The following CCSER1 variants were observed in gnomAD, a reference collection of about 807,000 sequenced individuals.
CCSER1 encodes coiled-coil serine rich protein 1, also known as serine-rich coiled-coil domain-containing protein 1.
In CCSER1, 41 loss-of-function variants were observed where a neutral mutation model predicts 82.0. That is an observed-to-expected ratio of 0.50 (90% CI 0.39 to 0.65). The LOEUF is 0.65. CCSER1 is among the 30% of genes least tolerant of loss of function. The pLI is 0.00. For synonymous variants in CCSER1, 414 were observed against 383.9 expected (o/e 1.08, Z -0.92); for missense variants, 1,119 against 1,064.2 (o/e 1.05, Z -0.72).
chr4:90,619,207 T>C (rs1049985897), intron 5 of CCSER1, among the ~76,000 whole-genome samples: 1 of 151,996 alleles, frequency 6.6e-6, no homozygotes, highest in African/African-American at 2.4e-5. Context: ...CGTGAAATAA[T>C]TATTCCTCAG....
At chr4:90,560,529 C>A (rs1366152409) in intron 5 of CCSER1, among the ~76,000 whole-genome samples, 1 of 152,046 alleles carries the variant, frequency 6.6e-6, no homozygotes, top group African/African-American at 2.4e-5. Flanking sequence ...AATTTTTATT[C>A]ATGTTTTACT....
intron 1 of CCSER1, among the ~76,000 whole-genome samples, chr4:90,305,856 T>C (rs561912794): frequency 3.9e-5 from 6 of 152,228 alleles, no homozygotes; most frequent in Non-Finnish European, 8.8e-5. Flanking sequence ...GAAATCAGTA[T>C]GTCAAAGAGA....
At chr4:91,410,373 C>T (rs1005448378) in intron 10 of CCSER1, among the ~76,000 whole-genome samples, 1 of 151,982 alleles carries the variant, frequency 6.6e-6, no homozygotes, top group Non-Finnish European at 1.5e-5. Flanking sequence ...GAAGGGAATA[C>T]AGAATGTAAT....
chr4:90,706,479 A>T, intron 6 of CCSER1, among the ~76,000 whole-genome samples: 1 of 152,196 alleles, frequency 6.6e-6, no homozygotes, highest in East Asian at 1.9e-4. Flanking sequence ...TTAAGATTAA[A>T]ACAAATAAAA....
intron 1 of CCSER1, among the ~76,000 whole-genome samples, chr4:90,155,163 T>C (rs1184030794): frequency 6.6e-6 from 1 of 152,252 alleles, no homozygotes. Flanking sequence ...TTTGGTTCTG[T>C]TTATACGCTG....
Position 90,429,822 on chromosome 4 carries a change from G to T in CCSER1, c.1603+29693G>T, listed in dbSNP as rs111389853. Reference sequence around the variant, plus strand: ...CCTTAGTCTGGTAAATGTATAATTTGAATGGTTTGTATATTCGTTTTCCAT... The same window carrying T: ...CCTTAGTCTGGTAAATGTATAATTTTAATGGTTTGTATATTCGTTTTCCAT... On this transcript the variant is annotated intron_variant, in intron 4 of 10. Transcript: ENST00000509176. Among the ~76,000 whole-genome samples, 1,332 of 151,884 alleles carry T rather than the reference G, an allele frequency of 8.8e-3. 9 individuals are homozygous for T. Among genetic ancestry groups the T allele is most frequent in the Non-Finnish European group, 0.014 (940 of 67,740 alleles).
At chr4:91,251,180 T>C (rs990115245) in intron 10 of CCSER1, among the ~76,000 whole-genome samples, 1 of 152,126 alleles carries the variant, frequency 6.6e-6, no homozygotes, top group Non-Finnish European at 1.5e-5. Context: ...ATTTATTTTG[T>C]ACAGTTTTGG....
intron 10 of CCSER1, among the ~76,000 whole-genome samples, chr4:91,528,387 G>A (rs1463889603): frequency 6.6e-6 from 1 of 152,074 alleles, no homozygotes; most frequent in Non-Finnish European, 1.5e-5. Context: ...ATAAACAAAT[G>A]TATTATCAAC....
chr4:90,418,950 A>G (rs1756236139), intron 4 of CCSER1, among the ~76,000 whole-genome samples: 1 of 151,988 alleles, frequency 6.6e-6, no homozygotes, highest in Non-Finnish European at 1.5e-5. Flanking sequence ...CAATTCTCAG[A>G]AAGTGTTATC....
At chr4:90,255,728 G>A (rs189773604) in intron 1 of CCSER1, among the ~76,000 whole-genome samples, 64 of 152,162 alleles carry the variant, frequency 4.2e-4, no homozygotes, top group African/African-American at 1.4e-3. Context: ...ATCCAAAGAG[G>A]TGTAAAAAAA....
At chr4:91,259,420 T>A (rs1740933184) in intron 10 of CCSER1, among the ~76,000 whole-genome samples, 1 of 152,122 alleles carries the variant, frequency 6.6e-6, no homozygotes, top group African/African-American at 2.4e-5. Context: ...TATCAACTCA[T>A]ACAAACATGA....
intron 9 of CCSER1, among the ~76,000 whole-genome samples, chr4:91,014,315 G>A (rs1263131513): frequency 1.5e-5 from 2 of 133,798 alleles, no homozygotes; most frequent in African/African-American, 5.0e-5. Flanking sequence ...AACTTATAAG[G>A]ACCAATTCTG....
At chr4:90,135,143 T>A (rs1018123902) in intron 1 of CCSER1, among the ~76,000 whole-genome samples, 1 of 152,182 alleles carries the variant, frequency 6.6e-6, no homozygotes, top group African/African-American at 2.4e-5. Flanking sequence ...TAATGAAAAA[T>A]TAACTGATTT....
chr4:91,578,951 T>TA (rs1404671314), intron 10 of CCSER1, among the ~76,000 whole-genome samples: 1 of 151,766 alleles, frequency 6.6e-6, no homozygotes, highest in East Asian at 1.9e-4. Context: ...ATTTGAATAA[T>TA]ACACATCAGA....
intron 4 of CCSER1, among the ~76,000 whole-genome samples, chr4:90,424,555 C>G (rs1757264704): frequency 6.6e-6 from 1 of 152,148 alleles, no homozygotes; most frequent in African/African-American, 2.4e-5. Flanking sequence ...CCAATCCCTA[C>G]TTACTATGAT....
At chr4:91,023,507 T>A (rs1486645334) in intron 9 of CCSER1, among the ~76,000 whole-genome samples, 1 of 152,078 alleles carries the variant, frequency 6.6e-6, no homozygotes, top group Non-Finnish European at 1.5e-5. Context: ...ATGCCACATA[T>A]CTACAACCAT....
At chr4:91,183,095 T>C (rs1401451793) in intron 10 of CCSER1, among the ~76,000 whole-genome samples, 5 of 152,246 alleles carry the variant, frequency 3.3e-5, no homozygotes, top group Non-Finnish European at 7.3e-5. Flanking sequence ...AGCCCTAATG[T>C]GAGTGATGTA....
chr4:90,410,682 T>G (rs1022679646), intron 4 of CCSER1, among the ~76,000 whole-genome samples: 5 of 151,634 alleles, frequency 3.3e-5, no homozygotes, highest in East Asian at 1.9e-4. Context: ...AAGCAGGAAA[T>G]ATCTAAAATT....
chr4:91,241,572 C>T (rs1271848960), intron 10 of CCSER1, among the ~76,000 whole-genome samples: 4 of 151,748 alleles, frequency 2.6e-5, no homozygotes, highest in South Asian at 4.2e-4. Context: ...TTGATCCACC[C>T]GCCTCAGCCT....
Sources: allele counts gnomAD v4.1 joint callset (sites outside exome capture counted in the v4.1 genomes callset), GRCh38; gene constraint gnomAD v4.1.1; transcripts MANE v1.5; gene names NCBI Gene and HGNC (gene_info 2026-07-23, HGNC 2026-07-21).